The following ZYG11B variants were observed in gnomAD, a reference collection of about 807,000 sequenced individuals.
The protein encoded by ZYG11B is protein zyg-11 homolog B.
In ZYG11B, 36 loss-of-function variants were observed where a neutral mutation model predicts 82.4. The observed-to-expected ratio is 0.44, with a 90% CI of 0.33 to 0.58. The LOEUF (loss-of-function observed/expected upper bound fraction) is 0.58, where lower values mean the gene tolerates loss of function less well. ZYG11B is among the 20% of genes least tolerant of loss of function. ZYG11B has a pLI of 0.02. For missense variants in ZYG11B, 552 were observed against 895.6 expected (o/e 0.62, Z 4.90); for synonymous variants, 303 against 312.8 (o/e 0.97, Z 0.33).
At chr1:52,775,931 A>G (rs540404835) in intron 3 of ZYG11B, among the ~76,000 whole-genome samples, 2 of 151,540 alleles carry the variant, frequency 1.3e-5, no homozygotes, top group African/African-American at 4.8e-5. Flanking sequence ...ACATAGAGGC[A>G]ATGTCTGGAT....
intron 13 of ZYG11B, among the ~76,000 whole-genome samples, chr1:52,817,816 T>TATATATATATATATATATATA (rs1160186535): frequency 1.2e-4 from 1 of 8,118 alleles, no homozygotes; most frequent in Non-Finnish European, 3.2e-4. Context: ...TATATATATA[T>TATATATATATATATATATATA]TTTTTTTTTT....
At chr1:52,779,218 T>A (rs1644834899) in intron 3 of ZYG11B, among the ~76,000 whole-genome samples, 1 of 152,102 alleles carries the variant, frequency 6.6e-6, no homozygotes, top group Non-Finnish European at 1.5e-5. Flanking sequence ...GTTATAACAT[T>A]GTGAGCTAGA....
intron 1 of ZYG11B, among the ~76,000 whole-genome samples, chr1:52,736,006 T>A (rs965182314): frequency 6.6e-6 from 1 of 152,174 alleles, no homozygotes. Context: ...TATTATGCAT[T>A]AAAAATATCA....
Position 52,744,657 on chromosome 1 carries a change from A to G in ZYG11B, c.31-11801A>G, listed in dbSNP as rs1292917405. Among the ~76,000 whole-genome samples, 6 of 152,210 alleles carry G rather than the reference A, an allele frequency of 3.9e-5. No individual in the cohort carries two copies. In the South Asian group the frequency reaches 1.2e-3, roughly 32 times the overall value. The stretch of plus-strand genomic sequence containing the variant: ...GGAGATCGAGACCATCCTGACTAAC[A>G]TGGTGAAACCCCGTCTCTACTAAAA... On this transcript the variant is annotated intron_variant, in intron 1 of 13. Coordinates refer to ENST00000294353, the MANE Select transcript of ZYG11B (RefSeq NM_024646.3).
At chr1:52,748,939 G>A (rs1043865788) in intron 1 of ZYG11B, among the ~76,000 whole-genome samples, 4 of 150,704 alleles carry the variant, frequency 2.7e-5, no homozygotes, top group Admixed American at 1.3e-4. Context: ...GGTTGCTCAC[G>A]CCTGTAATCC....
At chr1:52,767,779 G>A (rs1644710913) in intron 2 of ZYG11B, among the ~76,000 whole-genome samples, 1 of 152,226 alleles carries the variant, frequency 6.6e-6, no homozygotes, top group Non-Finnish European at 1.5e-5. Flanking sequence ...CTGACACCAT[G>A]TTGGGAGGAG....
chr1:52,814,390 C>CTTCAT (rs1462072938), intron 12 of ZYG11B, among the ~76,000 whole-genome samples: 1 of 152,340 alleles, frequency 6.6e-6, no homozygotes, highest in African/African-American at 2.4e-5. Context: ...TTCATGTTTC[C>CTTCAT]TTCATTTCAC....
intron 2 of ZYG11B, among the ~76,000 whole-genome samples, chr1:52,761,045 G>C (rs752745864): frequency 6.6e-6 from 1 of 152,142 alleles, no homozygotes; most frequent in Non-Finnish European, 1.5e-5. Context: ...TTACAGGTGT[G>C]AACCACTGTG....
At chr1:52,752,947 A>C (rs928669844) in intron 1 of ZYG11B, among the ~76,000 whole-genome samples, 1 of 151,880 alleles carries the variant, frequency 6.6e-6, no homozygotes, top group Non-Finnish European at 1.5e-5. Flanking sequence ...TCCTGTGTTC[A>C]AGTGATTCTC....
intron 1 of ZYG11B, among the ~76,000 whole-genome samples, chr1:52,742,752 G>A (rs536101508): frequency 6.6e-6 from 1 of 151,524 alleles, no homozygotes; most frequent in African/African-American, 2.4e-5. Flanking sequence ...TGAGGCAGGA[G>A]AATGGCCTGA....
At chr1:52,791,830 G>C (rs1199493499) in intron 6 of ZYG11B, among the ~76,000 whole-genome samples, 2 of 152,154 alleles carry the variant, frequency 1.3e-5, no homozygotes, top group Non-Finnish European at 2.9e-5. Context: ...TTTATTTTGG[G>C]AATATTGAAC....
At chr1:52,782,233 CTG>C in intron 4 of ZYG11B, among the ~76,000 whole-genome samples, 1 of 151,884 alleles carries the variant, frequency 6.6e-6, no homozygotes, top group African/African-American at 2.4e-5. Flanking sequence ...CCATGCCTGG[CTG>C]AATTTTAAAA....
chr1:52,771,008 G>A lies in ZYG11B; in HGVS notation c.197-12G>A. ...GTTTTTTGAATTTAAAACGCTGCTT[G>A]TTTTTCCACAGGTCTATTGAATGAT... On this transcript the variant is annotated splice_polypyrimidine_tract_variant and intron_variant, in intron 2 of 13. Transcript: ENST00000294353. The surrounding 1 kb of genome is among the most constrained non-coding windows in gnomAD (Gnocchi z 5.4). The A allele has an allele frequency of 1.9e-6, 3 of 1,584,646 alleles. No homozygotes were observed. Among genetic ancestry groups the A allele is most frequent in the East Asian group, 2.3e-5 (1 of 44,374 alleles).
At chr1:52,790,527 G>A (rs1427225681) in intron 6 of ZYG11B, among the ~76,000 whole-genome samples, 2 of 151,892 alleles carry the variant, frequency 1.3e-5, no homozygotes, top group Non-Finnish European at 2.9e-5. Flanking sequence ...TCAGGAGTTC[G>A]AGACCAGCCT....
chr1:52,781,390 A>G (rs568745123), intron 4 of ZYG11B, among the ~76,000 whole-genome samples: 4 of 152,238 alleles, frequency 2.6e-5, no homozygotes, highest in Non-Finnish European at 5.9e-5. Context: ...TCCCAGCTAC[A>G]TGGGACACTG....
In ZYG11B at chr1:52,803,187, T is replaced by TAC. The variant is rs1254654096; in HGVS notation, c.1695+1052_1695+1053dup. Among the ~76,000 whole-genome samples the TAC allele has an allele frequency of 1.9e-3, 149 of 78,286 alleles. 3 individuals carry two copies. Among genetic ancestry groups the TAC allele is most frequent in the African/African-American group, 0.012 (100 of 8,666 alleles). 51.4% of individuals were successfully genotyped at this position (78,286 alleles called of 152,430 possible). ...ATATATACACACATATATATATATA[T>TAC]ACACATATATATATATACACACACA... On this transcript the variant is annotated intron_variant, in intron 10 of 13. Transcript: ENST00000294353.
intron 1 of ZYG11B, among the ~76,000 whole-genome samples, chr1:52,748,713 A>G (rs1244521790): frequency 6.6e-6 from 1 of 152,120 alleles, no homozygotes; most frequent in Non-Finnish European, 1.5e-5. Context: ...AAATCTAAAA[A>G]TTAGCTGGGC....
chr1:52,740,553 T>C (rs1237687352), intron 1 of ZYG11B, among the ~76,000 whole-genome samples: 2 of 151,048 alleles, frequency 1.3e-5, no homozygotes, highest in Non-Finnish European at 2.9e-5. Flanking sequence ...TCTATGCCCT[T>C]GGTACTACCT....
intron 11 of ZYG11B, 54 bp downstream of exon 11, chr1:52,813,787 C>T (rs1263603745): frequency 6.2e-7 from 1 of 1,612,302 alleles, no homozygotes; most frequent in Non-Finnish European, 8.5e-7. Context: ...ACTATCAAAG[C>T]CTCATAATGT....
Sources: gnomAD v4.1 joint callset for allele counts (sites outside exome capture counted in the v4.1 genomes callset) on GRCh38, gnomAD v4.1.1 for gene constraint, Gnocchi (gnomAD v3.1) non-coding constraint, MANE v1.5 for transcripts, NCBI Gene and HGNC (gene_info 2026-07-23, HGNC 2026-07-21) for gene names.